PDE4DIP: variants seen among roughly 807,000 people sequenced by gnomAD.
PDE4DIP encodes the protein phosphodiesterase 4D interacting protein.
A neutral mutation model predicts 221.4 loss-of-function variants in PDE4DIP; 59 were observed. That is an observed-to-expected ratio of 0.27 (90% CI 0.22 to 0.33). The LOEUF (loss-of-function observed/expected upper bound fraction) is 0.33. Among genes scored for constraint, PDE4DIP ranks in the 10% least tolerant of loss-of-function variants. The pLI, the probability that PDE4DIP is intolerant of heterozygous loss-of-function variation, is 1.00. For synonymous variants in PDE4DIP, 404 were observed against 815.9 expected (o/e 0.50, Z 8.60); for missense variants, 1,036 against 2,154.2 (o/e 0.48, Z 10.28).
At chr1:149,030,595 A>G (rs374963044) in intron 43 of PDE4DIP, 3 of 863,420 alleles carry the variant, frequency 3.5e-6, no homozygotes, top group African/African-American at 1.8e-5. Context: ...TCTTGAAGTC[A>G]TTAGACATTC....
chr1:148,985,728 A>C (rs1472659315), intron 21 of PDE4DIP: 8 of 152,130 alleles, frequency 5.3e-5, no homozygotes, highest in African/African-American at 1.9e-4. Context: ...TTTTGTTTAA[A>C]GTCAAATTCC....
chr1:148,966,942 G>A (rs782310936), exon 12 of PDE4DIP: 35 of 1,612,606 alleles, frequency 2.2e-5, no homozygotes, highest in African/African-American at 5.3e-5. Flanking sequence ...GAGAGACTGC[G>A]CGATGTCCTC....
chr1:148,905,092 G>T (rs1264506543), intron 1 of PDE4DIP, among the ~76,000 whole-genome samples: 3 of 131,226 alleles, frequency 2.3e-5, no homozygotes, highest in African/African-American at 6.0e-5. Context: ...CTTGTTGCTT[G>T]TTATTGGTCT....
chr1:148,951,610 G>A, intron 5 of PDE4DIP, among the ~76,000 whole-genome samples: 1 of 151,958 alleles, frequency 6.6e-6, no homozygotes, highest in Admixed American at 6.6e-5. Context: ...CCCTCTACCT[G>A]AGGGAAAGGG....
At chr1:149,032,327 T>G in exon 44 of PDE4DIP, 1 of 575,480 alleles carries the variant, frequency 1.7e-6, no homozygotes, top group Non-Finnish European at 3.1e-6. Context: ...GCACATTTCT[T>G]GCCTCATCAG....
intron 1 of PDE4DIP, among the ~76,000 whole-genome samples, chr1:148,821,575 G>A (rs1553360967): frequency 6.7e-6 from 1 of 149,536 alleles, no homozygotes; most frequent in Non-Finnish European, 1.5e-5. Flanking sequence ...CCCTAAGGTA[G>A]AAATAAGCTT....
At chr1:148,975,531 C>A (rs1308321644) in intron 17 of PDE4DIP, among the ~76,000 whole-genome samples, 4 of 151,860 alleles carry the variant, frequency 2.6e-5, no homozygotes, top group African/African-American at 4.8e-5. Context: ...TCACATACTT[C>A]CTAAGAAGAT....
intron 21 of PDE4DIP, chr1:148,990,144 T>A: frequency 1.2e-6 from 1 of 830,842 alleles, no homozygotes; most frequent in Non-Finnish European, 1.5e-6. Context: ...AGCACTTCCA[T>A]GAGATCAGCC....
intron 5 of PDE4DIP, among the ~76,000 whole-genome samples, chr1:148,955,184 T>G (rs1237727429): frequency 2.6e-5 from 4 of 152,240 alleles, no homozygotes; most frequent in Non-Finnish European, 4.4e-5. Flanking sequence ...TTTCTTTTGC[T>G]TTTTCTTTCA....
At chr1:148,987,371 C>T (rs1284165079) in intron 21 of PDE4DIP, among the ~76,000 whole-genome samples, 2 of 152,102 alleles carry the variant, frequency 1.3e-5, no homozygotes, top group Admixed American at 6.6e-5. Context: ...TGATAGGAGG[C>T]CTCTTTTCCT....
intron 1 of PDE4DIP, among the ~76,000 whole-genome samples, chr1:148,896,518 C>T (rs1163985433): frequency 6.8e-6 from 1 of 148,010 alleles, no homozygotes; most frequent in Non-Finnish European, 1.5e-5. Context: ...AAAGGAGGAA[C>T]ATAAGAGACA....
At chr1:148,881,541 A>G (rs1361183718) in intron 3 of PDE4DIP, among the ~76,000 whole-genome samples, 1 of 124,586 alleles carries the variant, frequency 8.0e-6, no homozygotes, top group Non-Finnish European at 1.7e-5. Context: ...AGCCAACTTT[A>G]GTTTATTCAT....
At chr1:149,015,331 G>A (rs587688228) in intron 32 of PDE4DIP, among the ~76,000 whole-genome samples, 4 of 151,824 alleles carry the variant, frequency 2.6e-5, no homozygotes, top group South Asian at 2.1e-4. Context: ...GCTAAAAACT[G>A]GCAAGTGGCA....
chr1:149,031,177 G>C, intron 43 of PDE4DIP: 1 of 825,602 alleles, frequency 1.2e-6, no homozygotes, highest in South Asian at 5.5e-5. Context: ...CTTTAGAGCA[G>C]CACTTACAGG....
chr1:148,925,639 T>G (rs1357409860), intron 1 of PDE4DIP, among the ~76,000 whole-genome samples: 1 of 152,038 alleles, frequency 6.6e-6, no homozygotes, highest in Non-Finnish European at 1.5e-5. Context: ...GGCTGGGGTC[T>G]CTGACTGGCA....
intron 35 of PDE4DIP, chr1:149,019,623 C>T (rs1553615787): frequency 2.0e-5 from 3 of 152,616 alleles, no homozygotes; most frequent in African/African-American, 7.2e-5. Context: ...GGTGAGAAGA[C>T]AGTAAGAGAT....
At chr1:148,881,381 A>T (rs1572550893) in intron 3 of PDE4DIP, among the ~76,000 whole-genome samples, 1 of 98,566 alleles carries the variant, frequency 1.0e-5, no homozygotes, top group East Asian at 2.5e-4. Context: ...GGACATTTGA[A>T]ATACTTCCAA....
chr1:148,889,264 G>A (rs2149283268), upstream of PDE4DIP: 1 of 400,536 alleles, frequency 2.5e-6, no homozygotes, highest in Non-Finnish European at 4.7e-6. Flanking sequence ...TCAGCCACAA[G>A]TCATTTAAAT....
At chr1:148,983,505 G>C (rs1395609459) in intron 21 of PDE4DIP, 1 of 152,430 alleles carries the variant, frequency 6.6e-6, no homozygotes, top group Non-Finnish European at 1.5e-5. Context: ...CTGGAATGAG[G>C]CTTGCAAACA....
Sources: allele counts gnomAD v4.1 joint callset (sites outside exome capture counted in the v4.1 genomes callset), GRCh38; gene constraint gnomAD v4.1.1; transcripts MANE v1.5; gene names NCBI Gene and HGNC (gene_info 2026-07-23, HGNC 2026-07-21).